PRICKLE2: variants seen among roughly 807,000 people sequenced by gnomAD.
The protein encoded by PRICKLE2 is prickle-like protein 2.
A neutral mutation model predicts 81.4 loss-of-function variants in PRICKLE2; 21 were observed. That is an observed-to-expected ratio of 0.26 (90% CI 0.18 to 0.37). The LOEUF (loss-of-function observed/expected upper bound fraction) is 0.37. PRICKLE2 is among the 10% of genes least tolerant of loss of function. The pLI is 1.00. For missense variants in PRICKLE2, 940 were observed against 1,109.0 expected (o/e 0.85, Z 2.16); for synonymous variants, 456 against 421.5 (o/e 1.08, Z -1.00).
chr3:64,198,428 T>C (rs911863277), intron 2 of PRICKLE2, among the ~76,000 whole-genome samples: 2 of 151,954 alleles, frequency 1.3e-5, no homozygotes, highest in South Asian at 4.2e-4. Flanking sequence ...ACCCAGCTTA[T>C]AAAAGAGCTT....
intron 7 of PRICKLE2, chr3:64,103,153 T>C (rs1466840854): frequency 2.0e-5 from 3 of 152,178 alleles, no homozygotes; most frequent in Non-Finnish European, 4.4e-5. Flanking sequence ...GATATGATGG[T>C]TTTTAATTCT....
intron 6 of PRICKLE2, among the ~76,000 whole-genome samples, chr3:64,149,048 T>TA (rs2077502084): frequency 6.6e-6 from 1 of 152,214 alleles, no homozygotes; most frequent in South Asian, 2.1e-4. Flanking sequence ...ACCCTTTGCT[T>TA]AATTTCATCA....
intron 7 of PRICKLE2, among the ~76,000 whole-genome samples, chr3:64,139,430 C>G (rs1009076659): frequency 1.3e-5 from 2 of 152,350 alleles, no homozygotes; most frequent in East Asian, 3.9e-4. Context: ...TGCCAATTTC[C>G]TCTCCTAAGT....
chr3:64,141,831 A>G (rs1176852034), intron 7 of PRICKLE2: 9 of 985,106 alleles, frequency 9.1e-6, no homozygotes, highest in Non-Finnish European at 1.1e-5. Context: ...TTATTCAATA[A>G]CATAAGTTAC....
At chr3:64,143,899 T>C (rs2077402948) in intron 7 of PRICKLE2, among the ~76,000 whole-genome samples, 1 of 151,940 alleles carries the variant, frequency 6.6e-6, no homozygotes, top group South Asian at 2.1e-4. Context: ...CACTCTGCAC[T>C]AATTGCTCCC....
rs2078859739 is a variant in PRICKLE2, at chr3:64,215,627, T to C, written c.-41+9283A>G. 2.0e-5 allele frequency among the ~76,000 whole-genome samples: 3 copies of C among 152,134 alleles called. No homozygotes were observed. In the South Asian group the frequency reaches 6.2e-4, roughly 32 times the overall value. On this transcript the variant is annotated intron_variant, in intron 1 of 7. Transcript: ENST00000638394. Reference sequence around the variant, plus strand: ...TTTATTTTTTTACAATAACTGAAAATGTATATTGCTACAATGATGTCAAAA... The same window carrying C: ...TTTATTTTTTTACAATAACTGAAAACGTATATTGCTACAATGATGTCAAAA...
intron 2 of PRICKLE2, among the ~76,000 whole-genome samples, chr3:64,250,035 C>T (rs2079423500): frequency 6.6e-6 from 1 of 152,150 alleles, no homozygotes. Flanking sequence ...CTTCAAATGC[C>T]ACATTCACAT....
intron 7 of PRICKLE2, among the ~76,000 whole-genome samples, chr3:64,128,395 C>T (rs1289574440): frequency 2.0e-5 from 3 of 152,132 alleles, no homozygotes; most frequent in Non-Finnish European, 4.4e-5. Context: ...AGTGGAATGG[C>T]TAATGCTTCC....
Position 64,099,943 on chromosome 3 carries a change from G to A in PRICKLE2, c.1661-18C>T, listed in dbSNP as rs770658226. ...AGAGAGGCCTGGGGAAGAGAGGAGG[G>A]GACCACAGAGATTAATACAGATGTG... On this transcript the variant is annotated intron_variant, in intron 7 of 7. Transcript: ENST00000638394. This position sits in a 1 kb window ranked among gnomAD's most constrained non-coding sequence, Gnocchi z 4.3. The A allele has an allele frequency of 2.5e-6, 4 of 1,613,126 alleles. No individual in the cohort carries two copies. The highest frequency in any genetic ancestry group is 3.4e-6 in the Non-Finnish European group (4 of 1,179,778).
chr3:64,146,600 AG>A, intron 7 of PRICKLE2: 1 of 509,774 alleles, frequency 2.0e-6, no homozygotes, highest in South Asian at 2.2e-5. Flanking sequence ...AAAATTAGCC[AG>A]GCATGGTGGC....
chr3:64,130,961 G>A (rs1265570514), intron 7 of PRICKLE2, among the ~76,000 whole-genome samples: 4 of 152,126 alleles, frequency 2.6e-5, no homozygotes, highest in Non-Finnish European at 4.4e-5. Flanking sequence ...GAAGGCCTGC[G>A]GACTGTTTAG....
rs956230212 is a variant in PRICKLE2, at chr3:64,094,060, T to A, written c.*4991A>T. ...TCAACACAGAACACAGACTCTGGCC[T>A]GCCTCACCTTCCCAGGCCCTTTGAG... On this transcript the variant is annotated 3_prime_UTR_variant, in exon 8 of 8. Coordinates refer to ENST00000638394, the MANE Select transcript of PRICKLE2 (RefSeq NM_198859.4). The A allele has an allele frequency of 6.6e-6, 1 of 152,658 alleles. No individual in the cohort carries two copies. Among genetic ancestry groups the A allele is most frequent in the Non-Finnish European group, 1.5e-5 (1 of 68,062 alleles). 9.5% of individuals were successfully genotyped at this position (152,658 alleles called of 1,614,324 possible).
upstream of PRICKLE2, among the ~76,000 whole-genome samples, chr3:64,229,865 T>C (rs2079077404): frequency 1.3e-5 from 2 of 152,238 alleles, no homozygotes; most frequent in Admixed American, 1.3e-4. Context: ...TCATGTAAGT[T>C]GGTCTAGCAT....
chr3:64,234,576 T>A (rs550522871), intron 2 of PRICKLE2, among the ~76,000 whole-genome samples: 1 of 152,212 alleles, frequency 6.6e-6, no homozygotes, highest in Admixed American at 6.5e-5. Context: ...ATTAGATATA[T>A]GATTTATAAA....
At chr3:64,221,849 T>A (rs1485602899) in intron 1 of PRICKLE2, among the ~76,000 whole-genome samples, 1 of 152,166 alleles carries the variant, frequency 6.6e-6, no homozygotes, top group Non-Finnish European at 1.5e-5. Flanking sequence ...GGCAGTGCAG[T>A]TGGGTCATTG....
intron 6 of PRICKLE2, among the ~76,000 whole-genome samples, chr3:64,152,874 T>G (rs571827488): frequency 6.6e-6 from 1 of 152,162 alleles, no homozygotes; most frequent in African/African-American, 2.4e-5. Flanking sequence ...ATACTAAGAC[T>G]AGTATCACTA....
At chr3:64,172,455 A>T (rs1009097579) in intron 2 of PRICKLE2, among the ~76,000 whole-genome samples, 1 of 152,230 alleles carries the variant, frequency 6.6e-6, no homozygotes, top group African/African-American at 2.4e-5. Flanking sequence ...TTTGGGTTCC[A>T]ATAATGGATG....
At chr3:64,106,467 T>C (rs1291128183) in intron 7 of PRICKLE2, among the ~76,000 whole-genome samples, 2 of 152,222 alleles carry the variant, frequency 1.3e-5, no homozygotes, top group African/African-American at 4.8e-5. Flanking sequence ...GGCAAACAAA[T>C]ATCATTGAAT....
At chr3:64,114,874 A>G (rs2106958103) in intron 7 of PRICKLE2, among the ~76,000 whole-genome samples, 1 of 152,262 alleles carries the variant, frequency 6.6e-6, no homozygotes, top group South Asian at 2.1e-4. Context: ...TCAAAAGAAG[A>G]TTATCCCCAG....
Sources: allele counts gnomAD v4.1 joint callset (sites outside exome capture counted in the v4.1 genomes callset), GRCh38; gene constraint gnomAD v4.1.1; non-coding constraint Gnocchi (gnomAD v3.1); transcripts MANE v1.5; gene names NCBI Gene and HGNC (gene_info 2026-07-23, HGNC 2026-07-21).